FAM13C: variants seen among roughly 807,000 people sequenced by gnomAD.
FAM13C encodes the protein protein FAM13C.
FAM13C carries 37 observed loss-of-function variants against 73.2 expected under a neutral mutation model. That is an observed-to-expected ratio of 0.51 (90% CI 0.39 to 0.67). The LOEUF (loss-of-function observed/expected upper bound fraction) is 0.67, where lower values mean the gene tolerates loss of function less well. Ranked by LOEUF, FAM13C falls within the 30% of genes least tolerant of loss-of-function variation. FAM13C has a pLI of 0.00. For missense variants in FAM13C, 589 were observed against 715.6 expected (o/e 0.82, Z 2.02); for synonymous variants, 246 against 260.9 (o/e 0.94, Z 0.55).
intron 10 of FAM13C, among the ~76,000 whole-genome samples, chr10:59,261,626 G>T (rs1842511843): frequency 6.6e-6 from 1 of 152,056 alleles, no homozygotes; most frequent in Non-Finnish European, 1.5e-5. Flanking sequence ...TCAAGATGTA[G>T]TACAAGAAAC....
chr10:59,356,245 A>G (rs1185980020), intron 1 of FAM13C, among the ~76,000 whole-genome samples: 1 of 152,124 alleles, frequency 6.6e-6, no homozygotes, highest in Non-Finnish European at 1.5e-5. Context: ...TTGGACACCA[A>G]TACTGGTATC....
At chr10:59,258,488 A>G (rs1435345123) in intron 10 of FAM13C, among the ~76,000 whole-genome samples, 3 of 152,148 alleles carry the variant, frequency 2.0e-5, no homozygotes, top group Non-Finnish European at 4.4e-5. Flanking sequence ...GTCTCTAAAA[A>G]ATTTAAAATA....
intron 3 of FAM13C, among the ~76,000 whole-genome samples, chr10:59,344,949 T>C (rs1854101336): frequency 6.6e-6 from 1 of 152,210 alleles, no homozygotes; most frequent in African/African-American, 2.4e-5. Context: ...TTCTTCTCTC[T>C]ATGTGTCGGT....
intron 3 of FAM13C, among the ~76,000 whole-genome samples, chr10:59,332,394 G>A (rs1447751686): frequency 1.3e-5 from 2 of 152,010 alleles, no homozygotes. Context: ...ACATTTAAGG[G>A]ACAGGCAGAT....
intron 3 of FAM13C, among the ~76,000 whole-genome samples, chr10:59,349,415 A>G (rs1416488317): frequency 6.6e-6 from 1 of 152,222 alleles, no homozygotes; most frequent in African/African-American, 2.4e-5. Flanking sequence ...ACTTTAGTGG[A>G]GAAGCAGACA....
rs1470860683 is a variant in FAM13C at position 59,302,852 on chromosome 10, C to T, written c.456G>A (p.Arg152=). The change falls in exon 5 of 14, where the codon AGG becomes AGA. Residue 152 remains arginine (R), a synonymous_variant. Transcript: ENST00000618804. ...AAGCATCCTTTGGCGAAATGGCAGT[C>T]CTCTGGTCTATTCTATAAAATACAA... ...TVRLQPRIDQ[R]TAISPKDAFE... The T allele has an allele frequency of 6.2e-7, 1 of 1,614,014 alleles. No individual in the cohort carries two copies. Among genetic ancestry groups the T allele is most frequent in the South Asian group, 1.1e-5 (1 of 91,078 alleles).
chr10:59,316,976 T>C (rs570609441), intron 4 of FAM13C, among the ~76,000 whole-genome samples: 1 of 152,312 alleles, frequency 6.6e-6, no homozygotes, highest in East Asian at 1.9e-4. Context: ...TAATATATTC[T>C]TAGAGACAAA....
At chr10:59,255,309 C>T (rs1312550938) in intron 10 of FAM13C, among the ~76,000 whole-genome samples, 1 of 152,124 alleles carries the variant, frequency 6.6e-6, no homozygotes, top group African/African-American at 2.4e-5. Flanking sequence ...AAATGTGTAA[C>T]CTCTTGATCC....
At chr10:59,256,010 T>G (rs1420389229) in intron 10 of FAM13C, among the ~76,000 whole-genome samples, 1 of 152,210 alleles carries the variant, frequency 6.6e-6, no homozygotes, top group African/African-American at 2.4e-5. Context: ...TCTTTTAAGT[T>G]CCATACGCTG....
chr10:59,317,279 C>G (rs540356144), intron 4 of FAM13C, among the ~76,000 whole-genome samples: 24 of 152,162 alleles, frequency 1.6e-4, no homozygotes, highest in African/African-American at 5.8e-4. Flanking sequence ...CCATTCTAGT[C>G]GCCTCAGGCA....
At chr10:59,326,878 A>G (rs1851220098) in intron 3 of FAM13C, among the ~76,000 whole-genome samples, 1 of 152,150 alleles carries the variant, frequency 6.6e-6, no homozygotes, top group Non-Finnish European at 1.5e-5. Context: ...GATTATTGCA[A>G]TTTTAAGTTT....
chr10:59,312,692 C>A (rs757792545), intron 4 of FAM13C, among the ~76,000 whole-genome samples: 1 of 152,202 alleles, frequency 6.6e-6, no homozygotes, highest in African/African-American at 2.4e-5. Context: ...GTTCAGCACA[C>A]TCCAGCTTTA....
chr10:59,292,661 G>A (rs2133789367), intron 5 of FAM13C, among the ~76,000 whole-genome samples: 1 of 152,298 alleles, frequency 6.6e-6, no homozygotes, highest in Admixed American at 6.5e-5. Context: ...GGTCACATTG[G>A]AAAGCATGGC....
intron 9 of FAM13C, among the ~76,000 whole-genome samples, 196 bp from the exon 10 acceptor site, chr10:59,262,841 C>G (rs747631114): frequency 6.6e-6 from 1 of 152,104 alleles, no homozygotes; most frequent in Non-Finnish European, 1.5e-5. Context: ...AAACAGGGCT[C>G]TAGAGGCTAG....
chr10:59,262,968 C>T (rs1842665234), intron 9 of FAM13C, among the ~76,000 whole-genome samples: 1 of 152,092 alleles, frequency 6.6e-6, no homozygotes, highest in South Asian at 2.1e-4. Context: ...TACTGTAGCA[C>T]CCGAAATTCC....
intron 6 of FAM13C, among the ~76,000 whole-genome samples, chr10:59,277,191 A>C (rs1844410661): frequency 6.6e-6 from 1 of 152,170 alleles, no homozygotes. Context: ...GCACTAAGCT[A>C]TTAGTTTAAT....
chr10:59,324,395 A>G (rs1461247668), intron 3 of FAM13C, among the ~76,000 whole-genome samples: 1 of 152,168 alleles, frequency 6.6e-6, no homozygotes, highest in Non-Finnish European at 1.5e-5. Flanking sequence ...AAATGATGTC[A>G]TGGAAGAATA....
intron 4 of FAM13C, among the ~76,000 whole-genome samples, chr10:59,321,444 T>C (rs1235324037): frequency 1.4e-5 from 2 of 147,968 alleles, no homozygotes; most frequent in Admixed American, 6.7e-5. Context: ...TTTTTTTTTT[T>C]TTTTTTTTTT....
intron 3 of FAM13C, among the ~76,000 whole-genome samples, chr10:59,333,994 C>G (rs1223537829): frequency 6.6e-6 from 1 of 152,166 alleles, no homozygotes; most frequent in East Asian, 1.9e-4. Context: ...TCCAGCATTC[C>G]CCTTTTAAAG....
Sources: allele counts gnomAD v4.1 joint callset (sites outside exome capture counted in the v4.1 genomes callset), GRCh38; gene constraint gnomAD v4.1.1; transcripts MANE v1.5; gene names NCBI Gene and HGNC (gene_info 2026-07-23, HGNC 2026-07-21).